TMIE: variants seen among roughly 807,000 people sequenced by gnomAD.
TMIE encodes transmembrane inner ear.
Under a neutral mutation model 16.8 loss-of-function variants are expected in TMIE, and 14 were observed. The observed-to-expected ratio is 0.83, with a 90% CI of 0.55 to 1.30. The LOEUF (loss-of-function observed/expected upper bound fraction) is 1.30, where lower values mean the gene tolerates loss of function less well. Among genes scored for constraint, TMIE ranks in the 50% most tolerant of loss-of-function variants. The pLI is 0.00. For synonymous variants in TMIE, 75 were observed against 87.2 expected (o/e 0.86, Z 0.78); for missense variants, 204 against 205.9 (o/e 0.99, Z 0.06).
Position 46,701,580 on chromosome 3 carries a change from G to C in TMIE, c.93G>C (p.Glu31Asp). Residue 31 changes from glutamate to aspartate, a missense_variant and splice_region_variant, in exon 1 of 4, where the codon GAG becomes GAC. Coordinates refer to ENST00000643606, the MANE Select transcript of TMIE (RefSeq NM_147196.3). This position sits in a 1 kb window ranked among gnomAD's most constrained non-coding sequence, Gnocchi z 4.3. ...CGGGGGTTGCCGGGCAGCTGGTGGA[G>C]GTGAGGCCGCGGCACGGAGGGACTG... Reference protein sequence around the residue: ...CLAGVAGQLVEPSTAPPKPKP... With the variant: ...CLAGVAGQLVDPSTAPPKPKP... 1 of 1,285,766 alleles carries C rather than the reference G, an allele frequency of 7.8e-7. No individual in the cohort carries two copies. The highest frequency in any genetic ancestry group is 9.8e-7 in the Non-Finnish European group (1 of 1,020,048). The allele number at this position is 1,285,766 out of a possible 1,614,324, so 79.6% of individuals were successfully genotyped here.
Position 46,701,611 on chromosome 3 carries a change from G to A in TMIE, c.93+31G>A. 3 of 1,270,820 alleles carry A rather than the reference G, an allele frequency of 2.4e-6. No individual in the cohort carries two copies. Among genetic ancestry groups the A allele is most frequent in the Non-Finnish European group, 2.0e-6 (2 of 1,010,358 alleles). The allele number at this position is 1,270,820 out of a possible 1,614,324, so 78.7% of individuals were successfully genotyped here. A position where few individuals can be genotyped will look rare whatever the true frequency, so the allele number is the denominator to read the frequency against. On this transcript the variant is annotated intron_variant, in intron 1 of 3. Coordinates refer to ENST00000643606, the MANE Select transcript of TMIE (RefSeq NM_147196.3). This position sits in a 1 kb window ranked among gnomAD's most constrained non-coding sequence, Gnocchi z 4.3. ...GCCGCGGCACGGAGGGACTGGGGAG[G>A]CTGTCACCCTCCAGGCAGGGGGCTG...
chr3:46,699,929 A>G (rs1262260066), upstream of TMIE, among the ~76,000 whole-genome samples: 1 of 152,174 alleles, frequency 6.6e-6, no homozygotes, highest in Non-Finnish European at 1.5e-5. Flanking sequence ...ACAGAGGAGT[A>G]ATGCTTTGCT....
At chr3:46,695,489 G>A (rs1047459358) in intron 1 of TMIE, among the ~76,000 whole-genome samples, 3 of 152,296 alleles carry the variant, frequency 2.0e-5, no homozygotes, top group South Asian at 2.1e-4. Flanking sequence ...GGATGAGCAC[G>A]GTTTAGAGGA....
At chr3:46,697,200 C>A (rs1437794878), upstream of TMIE, among the ~76,000 whole-genome samples, 1 of 152,172 alleles carries the variant, frequency 6.6e-6, no homozygotes, top group East Asian at 1.9e-4. Flanking sequence ...GCCCTTGTTA[C>A]GGTCTTTGGC....
Position 46,705,835 on chromosome 3 carries a change from G to A in TMIE, c.139G>A (p.Glu47Lys). 6.2e-7 allele frequency: 1 copy of A among 1,614,112 alleles called. No individual in the cohort carries two copies. ...GCCCAAGCCGCCTCCGCTGACCAAG[G>A]AGACAGTGGTGTTCTGGGACATGCG... Reference protein sequence around the residue: ...PKPKPPPLTKETVVFWDMRLW... With the variant: ...PKPKPPPLTKKTVVFWDMRLW... Residue 47 changes from glutamate to lysine, a missense_variant, in exon 2 of 4, where the codon GAG becomes AAG. Transcript: ENST00000643606.
chr3:46,707,486 A>G (rs953491872), intron 2 of TMIE, among the ~76,000 whole-genome samples: 1 of 152,160 alleles, frequency 6.6e-6, no homozygotes. Flanking sequence ...CCTGGGGGGA[A>G]ACATTTTTCC....
intron 1 of TMIE, among the ~76,000 whole-genome samples, chr3:46,705,428 G>A (rs1415706840): frequency 6.6e-6 from 1 of 152,200 alleles, no homozygotes; most frequent in Non-Finnish European, 1.5e-5. Context: ...GCCTCGCCTT[G>A]TCTCTGGCCT....
chr3:46,695,855 C>G (rs540167263), intron 1 of TMIE, among the ~76,000 whole-genome samples: 75 of 152,302 alleles, frequency 4.9e-4, no homozygotes, highest in Non-Finnish European at 9.7e-4. Flanking sequence ...CCAGTCCTTC[C>G]CCCATTCCCT....
chr3:46,703,936 A>G (rs1456503518), intron 1 of TMIE, among the ~76,000 whole-genome samples: 2 of 152,166 alleles, frequency 1.3e-5, no homozygotes. Context: ...CATCTCGCTC[A>G]TATGCCCCAG....
upstream of TMIE, among the ~76,000 whole-genome samples, chr3:46,700,826 C>T (rs1175960648): frequency 1.3e-5 from 2 of 152,154 alleles, no homozygotes; most frequent in African/African-American, 2.4e-5. Context: ...CTTCCAGGGA[C>T]AGCCCACTTC....
chr3:46,696,834 A>G (rs1382519952), upstream of TMIE, among the ~76,000 whole-genome samples: 1 of 152,144 alleles, frequency 6.6e-6, no homozygotes, highest in Non-Finnish European at 1.5e-5. Context: ...TCACAGCACC[A>G]TGTATGGAGG....
upstream of TMIE, chr3:46,701,173 C>T (rs960104602): frequency 9.8e-6 from 3 of 305,922 alleles, no homozygotes; most frequent in South Asian, 2.0e-4. The surrounding 1 kb of genome is among the most constrained non-coding windows in gnomAD (Gnocchi z 4.3). Flanking sequence ...GGGAGGGGGA[C>T]CTGTTGATTA....
chr3:46,709,448 C>T, intron 3 of TMIE, 131 bp from the exon 4 acceptor site: 2 of 1,605,292 alleles, frequency 1.2e-6, no homozygotes, highest in Admixed American at 3.4e-5. Flanking sequence ...GAACGATGAG[C>T]CTATTCTCCA....
At chr3:46,705,314 G>A (rs1700537408) in intron 1 of TMIE, among the ~76,000 whole-genome samples, 2 of 152,164 alleles carry the variant, frequency 1.3e-5, no homozygotes, top group Admixed American at 6.5e-5. Flanking sequence ...ACCTGGCAGG[G>A]GTCCAGGCCA....
rs530787082 is a variant in TMIE, at chr3:46,696,122, G to A, written c.-67+1504G>A. The stretch of plus-strand genomic sequence containing the variant: ...CGCTGCACACAGATACAATTCCACA[G>A]TCAGGGAATGGGTGGGTCCCTGTGC... On this transcript the variant is annotated intron_variant, in intron 1 of 3. Coordinates refer to the TMIE transcript ENST00000644830. Among the ~76,000 whole-genome samples the A allele has an allele frequency of 9.2e-5, 14 of 152,274 alleles. No individual in the cohort carries two copies. In the East Asian group the frequency reaches 1.9e-3, roughly 21 times the overall value.
upstream of TMIE, among the ~76,000 whole-genome samples, chr3:46,697,500 C>G (rs569907326): frequency 3.3e-5 from 5 of 152,154 alleles, no homozygotes; most frequent in Non-Finnish European, 7.4e-5. Flanking sequence ...CTCCATACCC[C>G]TTCCTCCATA....
At chr3:46,696,426 G>C (rs1405058244), upstream of TMIE, among the ~76,000 whole-genome samples, 1 of 152,192 alleles carries the variant, frequency 6.6e-6, no homozygotes. Flanking sequence ...GCACACGCAG[G>C]TCTGACACAG....
rs1700598724 is a variant in TMIE at position 46,709,814 on chromosome 3, C to G, written c.*126C>G. On this transcript the variant is annotated 3_prime_UTR_variant, in exon 4 of 4. Coordinates refer to ENST00000643606, the MANE Select transcript of TMIE (RefSeq NM_147196.3). ...GTGGTCAGAGAGGGAAGCTGAGGCCCATGGCCACATCCTCATGGCCCATCA... is the reference window on the plus strand; with the variant it reads ...GTGGTCAGAGAGGGAAGCTGAGGCCGATGGCCACATCCTCATGGCCCATCA... 1 of 1,550,552 alleles carries G rather than the reference C, an allele frequency of 6.4e-7. No homozygotes were observed. Among genetic ancestry groups the G allele is most frequent in the Admixed American group, 2.0e-5 (1 of 51,200 alleles).
chr3:46,707,091 A>C (rs1395350230), intron 2 of TMIE, among the ~76,000 whole-genome samples: 1 of 152,204 alleles, frequency 6.6e-6, no homozygotes, highest in Non-Finnish European at 1.5e-5. Flanking sequence ...GCCGAGGCTG[A>C]GAACCAGTCA....
Sources: gnomAD v4.1 joint callset for allele counts (sites outside exome capture counted in the v4.1 genomes callset) on GRCh38, gnomAD v4.1.1 for gene constraint, Gnocchi (gnomAD v3.1) non-coding constraint, MANE v1.5 for transcripts, NCBI Gene and HGNC (gene_info 2026-07-23, HGNC 2026-07-21) for gene names.